Variants in MSN observed in about 807,000 individuals in gnomAD.
The protein encoded by MSN is epididymis luminal protein 70.
In MSN, 2 loss-of-function variants were observed where a neutral mutation model predicts 48.0. That is an observed-to-expected ratio of 0.04 (90% CI 0.02 to 0.13). MSN has a LOEUF of 0.13. MSN is among the 10% of genes least tolerant of loss of function. The pLI, the probability that MSN is intolerant of heterozygous loss-of-function variation, is 1.00. For missense variants in MSN, 267 were observed against 470.1 expected (o/e 0.57, Z 3.99); for synonymous variants, 146 against 166.9 (o/e 0.87, Z 0.97).
chrX:65,716,572 G>A (rs756788182), intron 1 of MSN: 19 of 420,795 alleles, frequency 4.5e-5, no homozygotes, highest in African/African-American at 2.2e-4. Context: ...CATTGCACCC[G>A]GCCTTCATGC....
intron 7 of MSN, among the ~76,000 whole-genome samples, chrX:65,734,041 T>G (rs1371930792): frequency 8.9e-6 from 1 of 112,000 alleles, no homozygotes; most frequent in Non-Finnish European, 1.9e-5. Flanking sequence ...TGGTAGAACT[T>G]TACTGCTGCC....
At chrX:65,588,824 C>CCT (rs753017991) in intron 1 of MSN, 48 of 137,876 alleles carry the variant, frequency 3.5e-4, no homozygotes, top group Admixed American at 1.6e-3. Flanking sequence ...GCCCTCTCTC[C>CCT]CTCTCTCTCT....
At chrX:65,711,428 T>C (rs963037853) in intron 1 of MSN, among the ~76,000 whole-genome samples, 2 of 111,820 alleles carry the variant, frequency 1.8e-5, no homozygotes, top group Non-Finnish European at 3.8e-5. Context: ...ACTCCTGACC[T>C]CAAGTAATTC....
upstream of MSN, among the ~76,000 whole-genome samples, chrX:65,664,611 T>C (rs866913282): frequency 1.6e-4 from 17 of 109,584 alleles, no homozygotes; most frequent in African/African-American, 5.0e-4. Context: ...TCTCTGATAG[T>C]TTATGCTCTC....
chrX:65,686,475 T>G (rs996318060), intron 1 of MSN, among the ~76,000 whole-genome samples: 1 of 112,892 alleles, frequency 8.9e-6, no homozygotes, highest in African/African-American at 3.2e-5. Context: ...CTGCACACTC[T>G]TAGTGATTGG....
intron 1 of MSN, among the ~76,000 whole-genome samples, chrX:65,617,027 T>G (rs930978601): frequency 1.8e-5 from 2 of 108,657 alleles, no homozygotes; most frequent in African/African-American, 3.6e-5. Flanking sequence ...TTGCATATAT[T>G]GAACCAGCCT....
intron 1 of MSN, 86 bp downstream of exon 1, chrX:65,667,939 C>T: frequency 9.6e-7 from 1 of 1,046,494 alleles, no homozygotes; most frequent in Admixed American, 2.4e-5. Flanking sequence ...GCTTGGCCAG[C>T]CACCGGCCCG....
At chrX:65,650,665 C>T in intron 1 of MSN, among the ~76,000 whole-genome samples, 1 of 112,364 alleles carries the variant, frequency 8.9e-6, no homozygotes, top group East Asian at 2.8e-4. Context: ...AGACCTATTT[C>T]CTGCCCTCAT....
At chrX:65,684,668 C>T (rs1218162628) in intron 1 of MSN, among the ~76,000 whole-genome samples, 1 of 111,150 alleles carries the variant, frequency 9.0e-6, no homozygotes, top group Non-Finnish European at 1.9e-5. Context: ...GAACTCCTGA[C>T]CTCCAGTAAT....
At chrX:65,714,496 A>AT (rs2071443751) in intron 1 of MSN, among the ~76,000 whole-genome samples, 1 of 109,303 alleles carries the variant, frequency 9.1e-6, no homozygotes, top group African/African-American at 3.3e-5. Context: ...TTTTTTTTTG[A>AT]TTTTTTAATA....
rs1247257672 is a variant in MSN at position 65,740,397 on chromosome X, G to A, written c.*504G>A. The A allele has an allele frequency of 2.9e-5, 5 of 174,342 alleles. No homozygotes were observed. Among genetic ancestry groups the A allele is most frequent in the Non-Finnish European group, 5.4e-5 (5 of 91,802 alleles). The allele number at this position is 174,342 out of a possible 1,213,427, so 14.4% of individuals were successfully genotyped here. ...GACCTAAAATTTGCCCTCCCATCCC[G>A]TTTAGAGTTATTTAGGCTTTGTAAC... On this transcript the variant is annotated 3_prime_UTR_variant, in exon 13 of 13. Coordinates refer to ENST00000360270, the MANE Select transcript of MSN (RefSeq NM_002444.3).
rs185315059 is a variant in MSN at position 65,660,627 on chromosome X, C to T, written c.-21-56191C>T. On this transcript the variant is annotated intron_variant, in intron 1 of 3. Coordinates refer to the MSN transcript ENST00000609672. ...CTGTTGCCAGGCTGGAGTGCAGTGG[C>T]GCCGTCTCGGCTCACTGCAACCTCC... Among the ~76,000 whole-genome samples the T allele has an allele frequency of 2.8e-3, 279 of 100,697 alleles. 3 individuals carry two copies. The highest frequency in any genetic ancestry group is 1.0e-2 in the African/African-American group (269 of 26,945). The allele number at this position is 100,697 out of a possible 115,157, so 87.4% of individuals were successfully genotyped here. A position where few individuals can be genotyped will look rare whatever the true frequency, so the allele number is the denominator to read the frequency against.
chrX:65,678,160 C>T (rs1436872915), intron 1 of MSN, among the ~76,000 whole-genome samples: 1 of 111,638 alleles, frequency 9.0e-6, no homozygotes, highest in Non-Finnish European at 1.9e-5. Context: ...ATTTTCTCCC[C>T]CCTCAAGTTA....
chrX:65,625,142 G>GT (rs2070493878), intron 1 of MSN: 1 of 112,612 alleles, frequency 8.9e-6, no homozygotes. Context: ...AAGATACTTT[G>GT]TATGGTTTCA....
chrX:65,657,073 T>G (rs1332107365), intron 1 of MSN, among the ~76,000 whole-genome samples: 1 of 109,582 alleles, frequency 9.1e-6, no homozygotes, highest in African/African-American at 3.3e-5. Context: ...GAGGCCAGAG[T>G]CGGGGAGGGC....
intron 1 of MSN, among the ~76,000 whole-genome samples, chrX:65,599,807 G>A (rs188281424): frequency 8.6e-4 from 95 of 110,862 alleles, no homozygotes; most frequent in African/African-American, 2.8e-3. Flanking sequence ...CCCAGATTTT[G>A]GTCACCCCAT....
intron 1 of MSN, among the ~76,000 whole-genome samples, chrX:65,609,898 A>G (rs191465770): frequency 2.7e-5 from 3 of 110,222 alleles, no homozygotes; most frequent in African/African-American, 9.9e-5. Context: ...AAAAAAGTAG[A>G]TTTCCTGACA....
intron 1 of MSN, among the ~76,000 whole-genome samples, chrX:65,660,010 G>T (rs1353565945): frequency 9.0e-6 from 1 of 110,977 alleles, no homozygotes; most frequent in Non-Finnish European, 1.9e-5. Context: ...ATATAGGCAT[G>T]AAATGGTTTA....
chrX:65,637,185 C>G (rs2070611278), intron 1 of MSN, among the ~76,000 whole-genome samples: 1 of 109,831 alleles, frequency 9.1e-6, no homozygotes. Context: ...GGCGGATCAC[C>G]TGAGGTTGGG....
Sources: gnomAD v4.1 joint callset for allele counts (sites outside exome capture counted in the v4.1 genomes callset) on GRCh38, gnomAD v4.1.1 for gene constraint, MANE v1.5 for transcripts, NCBI Gene and HGNC (gene_info 2026-07-23, HGNC 2026-07-21) for gene names.